DLG2: variants seen among roughly 807,000 people sequenced by gnomAD.
DLG2 encodes the protein disks large homolog 2.
In DLG2, 45 loss-of-function variants were observed where a neutral mutation model predicts 132.5. The ratio of observed to expected loss-of-function variants is 0.34; its 90% CI spans 0.27 to 0.44. The LOEUF is 0.44. Among genes scored for constraint, DLG2 ranks in the 20% least tolerant of loss-of-function variants. DLG2 has a pLI of 1.00. For missense variants in DLG2, 1,045 were observed against 1,196.9 expected (o/e 0.87, Z 1.87); for synonymous variants, 424 against 419.6 (o/e 1.01, Z -0.13).
chr11:84,345,049 T>C (rs2098533283), intron 7 of DLG2, among the ~76,000 whole-genome samples: 1 of 152,216 alleles, frequency 6.6e-6, no homozygotes, highest in Admixed American at 6.5e-5. Flanking sequence ...TTGAGATCCC[T>C]AACCAGAGCT....
At chr11:84,930,239 C>G (rs1012737375) in intron 6 of DLG2, among the ~76,000 whole-genome samples, 1 of 152,026 alleles carries the variant, frequency 6.6e-6, no homozygotes, top group African/African-American at 2.4e-5. Context: ...AATTTAGTAC[C>G]TGATTATACA....
chr11:84,284,363 G>C (rs1206833207), intron 7 of DLG2, among the ~76,000 whole-genome samples: 2 of 152,204 alleles, frequency 1.3e-5, no homozygotes, highest in Non-Finnish European at 2.9e-5. Context: ...GGAATTATAT[G>C]ACCTGTGGTG....
chr11:84,506,079 C>CCTTTTTTTTTTTTTT (rs2099238897), intron 7 of DLG2, among the ~76,000 whole-genome samples: 2 of 107,024 alleles, frequency 1.9e-5, no homozygotes, highest in African/African-American at 1.0e-4. Flanking sequence ...AGGCTCAGTT[C>CCTTTTTTTTTTTTTT]TTTTTTTTTT....
chr11:83,877,504 A>C (rs1565457764), intron 15 of DLG2, among the ~76,000 whole-genome samples: 2 of 152,152 alleles, frequency 1.3e-5, no homozygotes, highest in African/African-American at 4.8e-5. Flanking sequence ...CACTTCACTT[A>C]TCATTACCTT....
intron 15 of DLG2, among the ~76,000 whole-genome samples, chr11:83,891,148 T>C (rs960636585): frequency 3.9e-5 from 6 of 152,114 alleles, no homozygotes; most frequent in Non-Finnish European, 8.8e-5. Context: ...TATAGGTTCA[T>C]ATGAAGCCAT....
intron 18 of DLG2, among the ~76,000 whole-genome samples, chr11:83,722,088 T>C (rs1438880333): frequency 6.6e-6 from 1 of 152,224 alleles, no homozygotes; most frequent in Non-Finnish European, 1.5e-5. Flanking sequence ...TTTTCACTGT[T>C]TCTAATATTT....
At chr11:83,790,409 G>A (rs1282235258) in intron 17 of DLG2, 1 of 1,016,138 alleles carries the variant, frequency 9.8e-7, no homozygotes, top group Non-Finnish European at 1.5e-6. Context: ...CTCCCAACAT[G>A]TGATTGGTCC....
intron 6 of DLG2, among the ~76,000 whole-genome samples, chr11:84,537,686 G>A (rs1288925965): frequency 6.6e-6 from 1 of 152,124 alleles, no homozygotes; most frequent in Non-Finnish European, 1.5e-5. Flanking sequence ...TATTTTCTGT[G>A]TTTTTCCACG....
At chr11:85,283,287 T>G (rs1294418218) in intron 4 of DLG2, among the ~76,000 whole-genome samples, 1 of 149,996 alleles carries the variant, frequency 6.7e-6, no homozygotes, top group Non-Finnish European at 1.5e-5. Context: ...AAAAGAAAAT[T>G]GAAAAATCAA....
At chr11:84,385,513 A>G (rs552105608) in intron 7 of DLG2, among the ~76,000 whole-genome samples, 1 of 152,140 alleles carries the variant, frequency 6.6e-6, no homozygotes, top group Non-Finnish European at 1.5e-5. Flanking sequence ...TTCCACAGAT[A>G]TTTAGAGTAC....
chr11:85,537,236 A>T (rs4280023), intron 3 of DLG2, among the ~76,000 whole-genome samples: 31,701 of 152,096 alleles, frequency 0.21, 3,819 homozygotes, highest in African/African-American at 0.31. Context: ...TGTAAAATGG[A>T]CCAGTCAGCT....
At chr11:84,364,993 C>T (rs2098673158) in intron 7 of DLG2, among the ~76,000 whole-genome samples, 1 of 151,978 alleles carries the variant, frequency 6.6e-6, no homozygotes, top group Non-Finnish European at 1.5e-5. Context: ...TGTGTCTCTG[C>T]CTGGCTTTGG....
In DLG2 at chr11:85,513,407, T is replaced by C. The variant is rs73499116; in HGVS notation, c.40+85250A>G. ...AAAGAAAAAAGGTAAACATTATGGA[T>C]TTTAAAAATCAAGCCAGATTTTGTA... On this transcript the variant is annotated intron_variant, in intron 3 of 27. Coordinates refer to ENST00000376104, the MANE Select transcript of DLG2 (RefSeq NM_001142699.3). Among the ~76,000 whole-genome samples, 1,050 of 152,128 alleles carry C rather than the reference T, an allele frequency of 6.9e-3. 12 individuals are homozygous for C. Among genetic ancestry groups the C allele is most frequent in the African/African-American group, 0.024 (979 of 41,546 alleles).
chr11:84,706,727 G>A (rs977421735), intron 6 of DLG2, among the ~76,000 whole-genome samples: 1 of 151,658 alleles, frequency 6.6e-6, no homozygotes, highest in Non-Finnish European at 1.5e-5. Context: ...AAGGAAGGAA[G>A]GGAGGGAGGG....
At chr11:85,407,328 C>A (rs559619371) in intron 3 of DLG2, among the ~76,000 whole-genome samples, 3 of 151,826 alleles carry the variant, frequency 2.0e-5, no homozygotes, top group East Asian at 3.9e-4. Context: ...TGGGTATATT[C>A]ATGAATGCCT....
chr11:85,335,915 G>A (rs996916405), intron 3 of DLG2, among the ~76,000 whole-genome samples: 2 of 152,030 alleles, frequency 1.3e-5, no homozygotes, highest in Admixed American at 6.5e-5. Flanking sequence ...TGCATGTTCT[G>A]CACATGTACC....
Position 84,692,432 on chromosome 11 carries a change from T to C in DLG2, c.358-157701A>G, listed in dbSNP as rs189620458. Among the ~76,000 whole-genome samples the C allele has an allele frequency of 2.6e-5, 4 of 151,832 alleles. No individual in the cohort carries two copies. The East Asian group carries it at 7.8e-4, about 30-fold the overall frequency. ...GCAGAACTATCCACTTCGTTGCCTATAAAAACAGATCCTCAAATTAAAAAA... is the reference window on the plus strand; with the variant it reads ...GCAGAACTATCCACTTCGTTGCCTACAAAAACAGATCCTCAAATTAAAAAA... On this transcript the variant is annotated intron_variant, in intron 6 of 27. Transcript: ENST00000376104.
intron 11 of DLG2, among the ~76,000 whole-genome samples, chr11:84,029,425 G>C (rs971770317): frequency 3.3e-5 from 5 of 150,962 alleles, no homozygotes; most frequent in African/African-American, 1.2e-4. Context: ...GCAGAAATGA[G>C]AAAAAAAAAT....
intron 6 of DLG2, among the ~76,000 whole-genome samples, chr11:85,099,488 A>G (rs775342393): frequency 2.0e-5 from 3 of 152,220 alleles, no homozygotes; most frequent in Admixed American, 6.5e-5. Flanking sequence ...TACAAAAAAC[A>G]TAAAGAATAA....
Sources: allele counts gnomAD v4.1 joint callset (sites outside exome capture counted in the v4.1 genomes callset), GRCh38; gene constraint gnomAD v4.1.1; transcripts MANE v1.5; gene names NCBI Gene and HGNC (gene_info 2026-07-23, HGNC 2026-07-21).